Variants in PLPP4 observed in about 807,000 individuals in gnomAD.
PLPP4 encodes diacylglycerol pyrophosphate like 2.
PLPP4 carries 20 observed loss-of-function variants against 32.2 expected under a neutral mutation model. That is an observed-to-expected ratio of 0.62 (90% CI 0.44 to 0.90). The LOEUF (loss-of-function observed/expected upper bound fraction) is 0.90, where lower values mean the gene tolerates loss of function less well. Among genes scored for constraint, PLPP4 ranks in the 40% least tolerant of loss-of-function variants. The pLI, the probability that PLPP4 is intolerant of heterozygous loss-of-function variation, is 0.00. For synonymous variants in PLPP4, 127 were observed against 133.0 expected (o/e 0.95, Z 0.31); for missense variants, 257 against 353.1 (o/e 0.73, Z 2.18).
At chr10:120,561,446 T>G (rs1312348964) in intron 5 of PLPP4, among the ~76,000 whole-genome samples, 3 of 152,238 alleles carry the variant, frequency 2.0e-5, no homozygotes, top group Admixed American at 6.5e-5. Flanking sequence ...TGGGTCTTTT[T>G]CTTGGCTTTT....
chr10:120,469,831 C>T (rs1023726695), intron 1 of PLPP4, among the ~76,000 whole-genome samples: 3 of 152,168 alleles, frequency 2.0e-5, no homozygotes, highest in Non-Finnish European at 1.5e-5. Flanking sequence ...TATATAAACA[C>T]ATGCTTCATT....
At chr10:120,543,185 G>A (rs1037131395) in intron 5 of PLPP4, among the ~76,000 whole-genome samples, 2 of 152,160 alleles carry the variant, frequency 1.3e-5, no homozygotes, top group South Asian at 2.1e-4. Flanking sequence ...GGATAGAGCC[G>A]GGGGTCCCAG....
intron 5 of PLPP4, among the ~76,000 whole-genome samples, chr10:120,558,376 G>A (rs944124953): frequency 2.0e-5 from 3 of 149,856 alleles, no homozygotes; most frequent in African/African-American, 7.3e-5. Flanking sequence ...ATTGATGTAT[G>A]TAGCAGGAGT....
chr10:120,587,675 A>G (rs1318467345), intron 6 of PLPP4, among the ~76,000 whole-genome samples: 2 of 152,240 alleles, frequency 1.3e-5, no homozygotes, highest in East Asian at 3.8e-4. Flanking sequence ...TACCTATAAC[A>G]GGATCACAAA....
At chr10:120,506,130 C>T (rs933149949) in intron 2 of PLPP4, among the ~76,000 whole-genome samples, 1 of 152,198 alleles carries the variant, frequency 6.6e-6, no homozygotes, top group African/African-American at 2.4e-5. Context: ...TGCTGGGGTT[C>T]TCAGAGAACA....
intron 2 of PLPP4, among the ~76,000 whole-genome samples, chr10:120,504,968 A>G (rs1407472201): frequency 1.3e-5 from 2 of 152,198 alleles, no homozygotes; most frequent in Non-Finnish European, 2.9e-5. Context: ...ATTGAGATAA[A>G]TTTTACCTCT....
intron 2 of PLPP4, among the ~76,000 whole-genome samples, chr10:120,512,048 C>T (rs1450919446): frequency 3.3e-5 from 5 of 151,804 alleles, no homozygotes; most frequent in Non-Finnish European, 4.4e-5. Flanking sequence ...GAGCCGAGAT[C>T]GCACCACTGC....
intron 1 of PLPP4, among the ~76,000 whole-genome samples, chr10:120,491,514 T>TTTTTC (rs1228419583): frequency 1.6e-5 from 1 of 60,924 alleles, no homozygotes; most frequent in Non-Finnish European, 3.6e-5. Flanking sequence ...TACTTTCTAA[T>TTTTTC]TTTTCTCATT....
chr10:120,483,372 G>A (rs184303586), intron 1 of PLPP4, among the ~76,000 whole-genome samples: 32 of 152,160 alleles, frequency 2.1e-4, no homozygotes, highest in Middle Eastern at 6.8e-3. Context: ...TCATATATAC[G>A]TCTATCCTAT....
intron 1 of PLPP4, among the ~76,000 whole-genome samples, chr10:120,479,008 T>C (rs534080940): frequency 8.5e-4 from 129 of 152,270 alleles, no homozygotes; most frequent in Middle Eastern, 3.4e-3. Context: ...GGGCAGATCA[T>C]GAGGTCAGGA....
rs3981108 is a variant in PLPP4 at position 120,580,678 on chromosome 10, C to A, written c.616+5377C>A. ...ACACACACACACACACACACACACA[C>A]ACGGCTGAGGGACATACACTGTTAT... is the stretch of plus-strand genomic sequence containing the variant. On this transcript the variant is annotated intron_variant, in intron 6 of 6. Transcript: ENST00000398250. Among the ~76,000 whole-genome samples, 721 of 137,876 alleles carry A rather than the reference C, an allele frequency of 5.2e-3. 15 individuals are homozygous for A. The highest frequency in any genetic ancestry group is 0.015 in the African/African-American group (541 of 36,902). The allele number at this position is 137,876 out of a possible 152,430, so 90.5% of individuals were successfully genotyped here.
In PLPP4 at chr10:120,590,291, C is replaced by T. The variant is rs986754787; in HGVS notation, c.*789C>T. 1.3e-5 allele frequency among the ~76,000 whole-genome samples: 2 copies of T among 152,184 alleles called. No individual in the cohort carries two copies. The highest frequency in any genetic ancestry group is 4.8e-5 in the African/African-American group (2 of 41,446). Reference sequence around the variant, plus strand: ...TGGGGCACGGGGGCTTTACTTGGCTCTTCTGCAAGAAGTGATGTGACCGAT... The same window carrying T: ...TGGGGCACGGGGGCTTTACTTGGCTTTTCTGCAAGAAGTGATGTGACCGAT... On this transcript the variant is annotated 3_prime_UTR_variant, in exon 7 of 7. Coordinates refer to ENST00000398250, the MANE Select transcript of PLPP4 (RefSeq NM_001030059.3).
At chr10:120,558,411 CTT>C (rs35962206) in intron 5 of PLPP4, among the ~76,000 whole-genome samples, 4,658 of 135,912 alleles carry the variant, frequency 0.034, 79 homozygotes, top group Middle Eastern at 0.15. Context: ...TTCTTTCTTT[CTT>C]TTTTTTTTTT....
rs1302433823 is a variant in PLPP4, at chr10:120,468,688, A to G, written c.56+11327A>G. Among the ~76,000 whole-genome samples the G allele has an allele frequency of 3.1e-5, 2 of 65,400 alleles. 1 individual carries two copies. Among genetic ancestry groups the G allele is most frequent in the African/African-American group, 6.5e-5 (2 of 30,726 alleles). The allele number at this position is 65,400 out of a possible 152,430, so 42.9% of individuals were successfully genotyped here. A position where few individuals can be genotyped will look rare whatever the true frequency, so the allele number is the denominator to read the frequency against. ...ATATTCCAGGATAGGGCACTGAATGATTTTTTTGTGTTTGCTTTAGAAATA... is the reference window on the plus strand; with the variant it reads ...ATATTCCAGGATAGGGCACTGAATGGTTTTTTTGTGTTTGCTTTAGAAATA... On this transcript the variant is annotated intron_variant, in intron 1 of 6. Coordinates refer to ENST00000398250, the MANE Select transcript of PLPP4 (RefSeq NM_001030059.3).
rs550933311 is a variant in PLPP4 at position 120,535,644 on chromosome 10, C to T, written c.445+14549C>T. 2.6e-4 allele frequency among the ~76,000 whole-genome samples: 40 copies of T among 152,228 alleles called. No homozygotes were observed. In the South Asian group the frequency reaches 7.9e-3, roughly 30 times the overall value. ...TTGGAACTCTGTTCATAGGCACATT[C>T]ATATTTATGATTAGCATGTCTTCTT... On this transcript the variant is annotated intron_variant, in intron 5 of 6. Transcript: ENST00000398250.
chr10:120,503,430 T>C (rs716862), intron 1 of PLPP4: 72,625 of 931,252 alleles, frequency 0.078, 3,628 homozygotes, highest in South Asian at 0.16. Context: ...CTGTGCCAGT[T>C]ACTCCCTCCC....
intron 6 of PLPP4, among the ~76,000 whole-genome samples, chr10:120,588,756 C>G (rs1849879662): frequency 6.6e-6 from 1 of 152,136 alleles, no homozygotes; most frequent in Non-Finnish European, 1.5e-5. Flanking sequence ...TAAAGAAATA[C>G]AGGGAAGGGC....
intron 3 of PLPP4, among the ~76,000 whole-genome samples, chr10:120,517,224 C>T (rs1845968520): frequency 1.3e-5 from 2 of 152,090 alleles, no homozygotes; most frequent in South Asian, 4.1e-4. Context: ...TGAGTTCAGC[C>T]CCACTGGGAA....
At chr10:120,473,704 C>A (rs566913410) in intron 1 of PLPP4, among the ~76,000 whole-genome samples, 1 of 152,090 alleles carries the variant, frequency 6.6e-6, no homozygotes, top group African/African-American at 2.4e-5. Context: ...ACTTCCCCCT[C>A]GTTATTCTTG....
Sources: gnomAD v4.1 joint callset for allele counts (sites outside exome capture counted in the v4.1 genomes callset) on GRCh38, gnomAD v4.1.1 for gene constraint, MANE v1.5 for transcripts, NCBI Gene and HGNC (gene_info 2026-07-23, HGNC 2026-07-21) for gene names.